FRMD5: variants seen among roughly 807,000 people sequenced by gnomAD.
FRMD5 encodes FERM domain-containing protein 5.
FRMD5 carries 20 observed loss-of-function variants against 69.0 expected under a neutral mutation model. The observed-to-expected ratio is 0.29, with a 90% CI of 0.20 to 0.42. FRMD5 has a LOEUF of 0.42. FRMD5 is among the 10% of genes least tolerant of loss of function. FRMD5 has a pLI of 1.00. For missense variants in FRMD5, 595 were observed against 708.6 expected (o/e 0.84, Z 1.82); for synonymous variants, 271 against 260.1 (o/e 1.04, Z -0.40).
chr15:44,172,606 T>A (rs1352932922), intron 1 of FRMD5, among the ~76,000 whole-genome samples: 2 of 152,182 alleles, frequency 1.3e-5, no homozygotes, highest in African/African-American at 4.8e-5. Flanking sequence ...TGCTATTATT[T>A]AAAAAATATT....
chr15:44,059,482 CAA>C (rs1371035317), intron 1 of FRMD5, among the ~76,000 whole-genome samples: 2 of 152,116 alleles, frequency 1.3e-5, no homozygotes, highest in Non-Finnish European at 2.9e-5. Context: ...TTATTTAAAA[CAA>C]GAGATATTCT....
chr15:43,892,420 A>G (rs1366031423), intron 7 of FRMD5, among the ~76,000 whole-genome samples: 1 of 152,234 alleles, frequency 6.6e-6, no homozygotes, highest in Non-Finnish European at 1.5e-5. Flanking sequence ...AGAGTTTGAA[A>G]GTCATTTAAA....
chr15:44,142,234 C>A (rs2077285019), intron 1 of FRMD5, among the ~76,000 whole-genome samples: 1 of 152,190 alleles, frequency 6.6e-6, no homozygotes, highest in African/African-American at 2.4e-5. Flanking sequence ...CCATATTTTT[C>A]TATCTGGCCA....
chr15:43,911,623 C>T lies in FRMD5; in HGVS notation c.330-1644G>A, dbSNP rs557374364. Among the ~76,000 whole-genome samples the T allele has an allele frequency of 1.9e-4, 29 of 152,282 alleles. No homozygotes were observed. In the South Asian group the frequency reaches 5.8e-3, roughly 31 times the overall value. ...GCTAAGCTGCTCTTGAATTCCTGAC[C>T]CATAGACACTCTGAGACAATTAAAC... On this transcript the variant is annotated intron_variant, in intron 4 of 13. Coordinates refer to ENST00000417257, the MANE Select transcript of FRMD5 (RefSeq NM_032892.5).
rs762422273 is a variant in FRMD5, at chr15:43,919,742, G to C, written c.250+25C>G. 4 of 1,611,042 alleles carry C rather than the reference G, an allele frequency of 2.5e-6. No individual in the cohort carries two copies. In the African/African-American group the frequency reaches 4.0e-5, roughly 16 times the overall value. On this transcript the variant is annotated intron_variant, in intron 3 of 13. Coordinates refer to ENST00000417257, the MANE Select transcript of FRMD5 (RefSeq NM_032892.5). ...CCCACCCTCCCCAGGGGTGTGGCTT[G>C]AGTCTTTTCATGGAGAATACTTACA...
chr15:43,873,621 A>G lies in FRMD5; in HGVS notation c.*264T>C, dbSNP rs1209562269. ...ATTCAAAACCAAAAATTATCCTGCA[A>G]ATTGGAAAGATGAGAAACAGAGTCG... On this transcript the variant is annotated 3_prime_UTR_variant, in exon 14 of 14. Transcript: ENST00000417257. 1 of 1,464,954 alleles carries G rather than the reference A, an allele frequency of 6.8e-7. No individual in the cohort carries two copies. Among genetic ancestry groups the G allele is most frequent in the Non-Finnish European group, 8.9e-7 (1 of 1,118,256 alleles). The allele number at this position is 1,464,954 out of a possible 1,614,324, so 90.7% of individuals were successfully genotyped here. A position where few individuals can be genotyped will look rare whatever the true frequency, so the allele number is the denominator to read the frequency against.
At chr15:44,027,041 A>G (rs1891459228) in intron 1 of FRMD5, among the ~76,000 whole-genome samples, 1 of 152,222 alleles carries the variant, frequency 6.6e-6, no homozygotes, top group Admixed American at 6.5e-5. Flanking sequence ...AATCTGAGCT[A>G]TATCGCTTGC....
chr15:44,109,015 T>TA (rs200047502), intron 1 of FRMD5, among the ~76,000 whole-genome samples: 44 of 149,774 alleles, frequency 2.9e-4, no homozygotes, highest in South Asian at 1.5e-3. Flanking sequence ...TAAAATAAAA[T>TA]AAAATGTTTG....
chr15:43,992,253 T>C (rs1407694362), intron 1 of FRMD5, among the ~76,000 whole-genome samples: 1 of 152,194 alleles, frequency 6.6e-6, no homozygotes, highest in Admixed American at 6.5e-5. Context: ...GACTTGAGAA[T>C]TGTCTCTATA....
intron 13 of FRMD5, among the ~76,000 whole-genome samples, chr15:43,878,240 T>C (rs1307623216): frequency 6.6e-6 from 1 of 152,080 alleles, no homozygotes; most frequent in Non-Finnish European, 1.5e-5. Context: ...CCCAGCCCCA[T>C]TTTGTTATAA....
At chr15:43,897,130 A>ACAGCCAAGATGGGCC (rs1335137711) in intron 7 of FRMD5, among the ~76,000 whole-genome samples, 3 of 152,098 alleles carry the variant, frequency 2.0e-5, no homozygotes, top group Non-Finnish European at 2.9e-5. Context: ...TACCTGCCAC[A>ACAGCCAAGATGGGCC]CAGCCAAGAT....
At chr15:43,876,179 G>A in intron 13 of FRMD5, 1 of 1,597,764 alleles carries the variant, frequency 6.3e-7, no homozygotes, top group East Asian at 2.2e-5. Context: ...TGTCAGCACT[G>A]TCACTCCCAG....
At chr15:43,974,171 T>C (rs2090429856) in intron 1 of FRMD5, among the ~76,000 whole-genome samples, 1 of 152,112 alleles carries the variant, frequency 6.6e-6, no homozygotes, top group African/African-American at 2.4e-5. Context: ...GATGGTCCTC[T>C]AGTGAAAGTG....
intron 1 of FRMD5, among the ~76,000 whole-genome samples, chr15:44,138,112 G>A (rs1342004026): frequency 1.3e-5 from 2 of 152,076 alleles, no homozygotes. Context: ...GTTAACAACT[G>A]TCATTCGAGT....
At chr15:44,002,378 C>T (rs1595609920) in intron 1 of FRMD5, among the ~76,000 whole-genome samples, 1 of 152,142 alleles carries the variant, frequency 6.6e-6, no homozygotes, top group Non-Finnish European at 1.5e-5. Flanking sequence ...ACTAATATCT[C>T]TAATTCTATT....
chr15:44,073,929 T>G (rs1893646969), intron 1 of FRMD5, among the ~76,000 whole-genome samples: 1 of 152,232 alleles, frequency 6.6e-6, no homozygotes, highest in African/African-American at 2.4e-5. Flanking sequence ...ATTTGTTAAA[T>G]GGGATTCTAT....
intron 1 of FRMD5, among the ~76,000 whole-genome samples, chr15:44,026,882 C>A (rs952914863): frequency 3.9e-5 from 6 of 152,196 alleles, no homozygotes; most frequent in Admixed American, 2.0e-4. Flanking sequence ...ATCAACAGTT[C>A]TTTCTTCATT....
At chr15:44,059,872 T>C (rs1166085104) in intron 1 of FRMD5, among the ~76,000 whole-genome samples, 1 of 152,202 alleles carries the variant, frequency 6.6e-6, no homozygotes. Flanking sequence ...GACAGGTTTC[T>C]GGACAAATCC....
At chr15:44,074,975 G>A (rs1175036189) in intron 1 of FRMD5, among the ~76,000 whole-genome samples, 1 of 152,160 alleles carries the variant, frequency 6.6e-6, no homozygotes, top group African/African-American at 2.4e-5. Flanking sequence ...GCTATAAGGT[G>A]AAGCTAGTGC....
Sources: gnomAD v4.1 joint callset for allele counts (sites outside exome capture counted in the v4.1 genomes callset) on GRCh38, gnomAD v4.1.1 for gene constraint, MANE v1.5 for transcripts, NCBI Gene and HGNC (gene_info 2026-07-23, HGNC 2026-07-21) for gene names.